Variants in RIMBP2 observed in about 807,000 individuals in gnomAD.
The protein encoded by RIMBP2 is RIMS-binding protein 2.
In RIMBP2, 48 loss-of-function variants were observed where a neutral mutation model predicts 118.6. The observed-to-expected ratio is 0.40, with a 90% CI of 0.32 to 0.51. RIMBP2 has a LOEUF of 0.51. Ranked by LOEUF, RIMBP2 falls within the 20% of genes least tolerant of loss-of-function variation. The probability of loss-of-function intolerance (pLI) is 0.41; values close to 1 mark genes in which losing one functional copy is unlikely to be tolerated. For missense variants in RIMBP2, 1,551 were observed against 1,768.3 expected, an observed-to-expected ratio of 0.88 and a Z score of 2.20; for synonymous variants, 762 against 742.9, an observed-to-expected ratio of 1.03 and a Z score of -0.42.
rs1020189388 is a variant in RIMBP2 at position 130,422,454 on chromosome 12, G to A, written c.3237C>T (p.Ile1079=). 5 of 1,604,664 alleles carry A rather than the reference G, an allele frequency of 3.1e-6. No homozygotes were observed. Among genetic ancestry groups the A allele is most frequent in the Middle Eastern group, 1.7e-4 (1 of 5,992 alleles). The change falls in exon 17 of 23, where the codon ATC becomes ATT. Residue 1079 remains isoleucine (I), a splice_region_variant and synonymous_variant. Transcript: ENST00000690449. This position sits in a 1 kb window ranked among gnomAD's most constrained non-coding sequence, Gnocchi z 5.2. The part of the protein sequence containing the change: ...QRSRPVTVPS[I]DDYGRDRLSP... ...AACAGCGATGATGGGGCCACTAACC[G>A]ATGGATGGGACTGTCACGGGCCGGG...
At chr12:130,650,557 A>C (rs1426449037) in intron 1 of RIMBP2, among the ~76,000 whole-genome samples, 1 of 152,268 alleles carries the variant, frequency 6.6e-6, no homozygotes, top group Non-Finnish European at 1.5e-5. Context: ...CTCCAGCAGC[A>C]CATGTGAGCG....
chr12:130,407,964 C>T (rs1285325940), intron 19 of RIMBP2, 135 bp from the exon 20 acceptor site: 1 of 735,096 alleles, frequency 1.4e-6, no homozygotes, highest in East Asian at 2.6e-5. Flanking sequence ...TGCTCCTGGG[C>T]ACTCACATCA....
chr12:130,666,751 GAGT>G (rs2063930294), intron 1 of RIMBP2, among the ~76,000 whole-genome samples: 1 of 142,684 alleles, frequency 7.0e-6, no homozygotes, highest in Admixed American at 7.0e-5. Context: ...AGGAGGGAAG[GAGT>G]GAGGGAGGGA....
rs950029116 is a variant in RIMBP2 at position 130,419,195 on chromosome 12, T to C, written c.3238+3258A>G. ...CTGGGCAGTTGGGGGTCCCTTGTCC[T>C]TGGTGATGGCAGGCGAGACTGAAAG... On this transcript the variant is annotated intron_variant, in intron 17 of 22. Coordinates refer to ENST00000690449, the MANE Select transcript of RIMBP2 (RefSeq NM_001393629.1). This position sits in a 1 kb window ranked among gnomAD's most constrained non-coding sequence, Gnocchi z 4.3. Among the ~76,000 whole-genome samples the C allele has an allele frequency of 1.3e-5, 2 of 152,148 alleles. No homozygotes were observed. Among genetic ancestry groups the C allele is most frequent in the Admixed American group, 6.5e-5 (1 of 15,278 alleles).
At chr12:130,689,569 C>T (rs983945945) in intron 1 of RIMBP2, among the ~76,000 whole-genome samples, 2 of 152,170 alleles carry the variant, frequency 1.3e-5, no homozygotes, top group African/African-American at 4.8e-5. Context: ...CAGGCTGTCT[C>T]CCGTGCAGTA....
intron 5 of RIMBP2, chr12:130,471,944 T>C (rs2081045780): frequency 6.5e-6 from 1 of 153,370 alleles, no homozygotes; most frequent in Non-Finnish European, 1.5e-5. Context: ...GGCCTCTGCC[T>C]GAGAATGCTG....
chr12:130,489,690 C>A (rs1030188166), intron 4 of RIMBP2, among the ~76,000 whole-genome samples: 3 of 152,174 alleles, frequency 2.0e-5, no homozygotes, highest in African/African-American at 7.2e-5. Flanking sequence ...CATCTGGCTT[C>A]TTAGTTCTTC....
At chr12:130,498,228 T>A (rs2049381221) in intron 4 of RIMBP2, among the ~76,000 whole-genome samples, 1 of 152,190 alleles carries the variant, frequency 6.6e-6, no homozygotes, top group South Asian at 2.1e-4. Flanking sequence ...ACTCCAGGCC[T>A]CTGGCTGCTT....
At chr12:130,492,262 G>C (rs1416616175) in intron 4 of RIMBP2, among the ~76,000 whole-genome samples, 1 of 152,184 alleles carries the variant, frequency 6.6e-6, no homozygotes, top group Admixed American at 6.5e-5. Flanking sequence ...GGTCTTTAAA[G>C]CTGTTTGTTT....
In RIMBP2 at chr12:130,610,661, C is replaced by T. The variant is rs572956181; in HGVS notation, c.-217+17661G>A. Among the ~76,000 whole-genome samples the T allele has an allele frequency of 7.1e-3, 1,047 of 146,726 alleles. 44 individuals are homozygous for T. Among genetic ancestry groups the T allele is most frequent in the Admixed American group, 0.066 (947 of 14,382 alleles). On this transcript the variant is annotated intron_variant, in intron 2 of 22. Coordinates refer to ENST00000690449, the MANE Select transcript of RIMBP2 (RefSeq NM_001393629.1). ...CTGCAAGCTCCGCCTCCCGGGTTCA[C>T]GCCATTCTCCTGCCTCAGCCTCCCA...
chr12:130,517,186 G>A (rs1345763317), intron 3 of RIMBP2, among the ~76,000 whole-genome samples: 4 of 152,198 alleles, frequency 2.6e-5, no homozygotes, highest in South Asian at 2.1e-4. Flanking sequence ...GGTTATCAGG[G>A]GAGTGGAACT....
chr12:130,650,101 T>C (rs1293352287), intron 1 of RIMBP2, among the ~76,000 whole-genome samples: 1 of 151,690 alleles, frequency 6.6e-6, no homozygotes, highest in East Asian at 1.9e-4. Flanking sequence ...CAGTGGGGAC[T>C]CGCAGGCAAC....
chr12:130,682,818 C>T (rs902393411), intron 1 of RIMBP2, among the ~76,000 whole-genome samples: 4 of 152,216 alleles, frequency 2.6e-5, no homozygotes, highest in Admixed American at 1.3e-4. Context: ...CAAAGCCGTG[C>T]TCACAAGGGA....
intron 2 of RIMBP2, among the ~76,000 whole-genome samples, chr12:130,534,313 T>C (rs937154756): frequency 6.7e-6 from 1 of 150,248 alleles, no homozygotes; most frequent in Admixed American, 6.6e-5. Context: ...GTATGATGTA[T>C]AATATTCTAG....
At chr12:130,508,951 A>G (rs1266854485) in intron 3 of RIMBP2, among the ~76,000 whole-genome samples, 5 of 152,028 alleles carry the variant, frequency 3.3e-5, no homozygotes, top group Non-Finnish European at 5.9e-5. Flanking sequence ...TGAGAGGCTC[A>G]TCCTCATGGC....
At chr12:130,432,802 A>G (rs1011949168) in intron 14 of RIMBP2, among the ~76,000 whole-genome samples, 12 of 152,152 alleles carry the variant, frequency 7.9e-5, no homozygotes, top group African/African-American at 2.7e-4. Flanking sequence ...CACCTGATCT[A>G]TGGTATTCTG....
Position 130,479,019 on chromosome 12 carries a change from G to T in RIMBP2, c.-3-3C>A. On this transcript the variant is annotated splice_polypyrimidine_tract_variant and splice_region_variant and intron_variant, in intron 4 of 22. Coordinates refer to ENST00000690449, the MANE Select transcript of RIMBP2 (RefSeq NM_001393629.1). ...CGTTCAGCCGCCTCTCGCATATGCTGTGGGGACAGAGAGAGGCCTGGCTGA... is the reference window on the plus strand; with the variant it reads ...CGTTCAGCCGCCTCTCGCATATGCTTTGGGGACAGAGAGAGGCCTGGCTGA... The T allele has an allele frequency of 1.9e-6, 3 of 1,612,188 alleles. No homozygotes were observed. Among genetic ancestry groups the T allele is most frequent in the Non-Finnish European group, 2.5e-6 (3 of 1,178,844 alleles).
chr12:130,463,937 T>C (rs2080229397), intron 6 of RIMBP2, among the ~76,000 whole-genome samples: 1 of 149,030 alleles, frequency 6.7e-6, no homozygotes, highest in South Asian at 2.1e-4. Context: ...TCACAGCACA[T>C]TACACGCTCA....
chr12:130,439,397 G>A (rs2077844185), intron 11 of RIMBP2, among the ~76,000 whole-genome samples: 1 of 150,444 alleles, frequency 6.6e-6, no homozygotes. Flanking sequence ...GTGGATGCAT[G>A]TGTATGTATA....
Sources: allele counts gnomAD v4.1 joint callset (sites outside exome capture counted in the v4.1 genomes callset), GRCh38; gene constraint gnomAD v4.1.1; non-coding constraint Gnocchi (gnomAD v3.1); transcripts MANE v1.5; gene names NCBI Gene and HGNC (gene_info 2026-07-23, HGNC 2026-07-21).